Variants in AP3S1 observed in about 807,000 individuals in gnomAD.
The protein encoded by AP3S1 is AP-3 complex subunit sigma-1.
AP3S1 carries 12 observed loss-of-function variants against 21.3 expected under a neutral mutation model. The observed-to-expected ratio is 0.56, with a 90% CI of 0.36 to 0.91. The LOEUF is 0.91. Among genes scored for constraint, AP3S1 ranks in the 40% least tolerant of loss-of-function variants. The probability of loss-of-function intolerance (pLI) is 0.01; values close to 1 mark genes in which losing one functional copy is unlikely to be tolerated. For missense variants in AP3S1, 116 were observed against 225.0 expected (o/e 0.52, Z 3.10); for synonymous variants, 48 against 78.4 (o/e 0.61, Z 2.05).
At chr5:115,890,109 A>T (rs535251813) in intron 3 of AP3S1, among the ~76,000 whole-genome samples, 12 of 151,628 alleles carry the variant, frequency 7.9e-5, no homozygotes, top group Admixed American at 1.3e-4. Flanking sequence ...CTAAAGCTTA[A>T]CCTACACGAC....
At chr5:115,861,564 AT>A (rs1561482909) in intron 1 of AP3S1, among the ~76,000 whole-genome samples, 2 of 151,858 alleles carry the variant, frequency 1.3e-5, no homozygotes, top group African/African-American at 2.4e-5. Flanking sequence ...TATTAAAAAA[AT>A]TTTTTTTGAG....
intron 3 of AP3S1, among the ~76,000 whole-genome samples, chr5:115,878,148 G>A (rs1234356780): frequency 6.6e-6 from 1 of 152,182 alleles, no homozygotes; most frequent in African/African-American, 2.4e-5. Flanking sequence ...CATTCTGTAG[G>A]TTGCCTGTTC....
At chr5:115,850,479 C>T (rs1055517423) in intron 1 of AP3S1, among the ~76,000 whole-genome samples, 2 of 152,116 alleles carry the variant, frequency 1.3e-5, no homozygotes, top group South Asian at 4.1e-4. Context: ...CTTAGTCTTT[C>T]CCAACAGAAA....
At chr5:115,890,906 C>T (rs913419342) in intron 3 of AP3S1, among the ~76,000 whole-genome samples, 1 of 152,126 alleles carries the variant, frequency 6.6e-6, no homozygotes, top group African/African-American at 2.4e-5. Context: ...CAGGGCTGCC[C>T]TGGTAACAGT....
At chr5:115,860,318 G>A (rs554366935) in intron 1 of AP3S1, among the ~76,000 whole-genome samples, 1 of 152,296 alleles carries the variant, frequency 6.6e-6, no homozygotes, top group African/African-American at 2.4e-5. Flanking sequence ...AATCACATCT[G>A]CAAAGGCATT....
chr5:115,856,994 G>T (rs932428941), intron 1 of AP3S1, among the ~76,000 whole-genome samples: 14 of 152,054 alleles, frequency 9.2e-5, no homozygotes, highest in Non-Finnish European at 1.9e-4. Flanking sequence ...CCAGCCGCTG[G>T]TAACCACCGC....
intron 5 of AP3S1, among the ~76,000 whole-genome samples, chr5:115,904,428 G>T (rs1398227811): frequency 6.6e-6 from 1 of 152,168 alleles, no homozygotes; most frequent in East Asian, 1.9e-4. Flanking sequence ...AACAGTTGAA[G>T]CTTATAAAAC....
At chr5:115,902,239 C>T (rs181894857) in intron 4 of AP3S1, among the ~76,000 whole-genome samples, 26 of 152,108 alleles carry the variant, frequency 1.7e-4, no homozygotes, top group African/African-American at 6.0e-4. Flanking sequence ...TTTTTTGATC[C>T]AATAATACCT....
chr5:115,879,050 A>G (rs1561500449), intron 3 of AP3S1, among the ~76,000 whole-genome samples: 1 of 152,136 alleles, frequency 6.6e-6, no homozygotes, highest in East Asian at 1.9e-4. Context: ...TTGGTTTTGT[A>G]TCCTGAGACT....
chr5:115,880,850 C>T (rs1024114610), intron 3 of AP3S1, among the ~76,000 whole-genome samples: 2 of 152,254 alleles, frequency 1.3e-5, no homozygotes, highest in Middle Eastern at 3.4e-3. Context: ...TTGTATGTTT[C>T]TAAGAACTTG....
chr5:115,848,440 TA>T (rs1762216425), intron 1 of AP3S1, among the ~76,000 whole-genome samples: 2 of 152,248 alleles, frequency 1.3e-5, no homozygotes, highest in Non-Finnish European at 2.9e-5. Context: ...ACTCTCTTGT[TA>T]AAATTTAAAA....
At chr5:115,911,212 A>G (rs997589436) in intron 5 of AP3S1, among the ~76,000 whole-genome samples, 8 of 152,000 alleles carry the variant, frequency 5.3e-5, no homozygotes, top group African/African-American at 1.9e-4. Flanking sequence ...TTTTTGCTTT[A>G]GTTTAGCTCT....
intron 3 of AP3S1, among the ~76,000 whole-genome samples, chr5:115,893,824 C>G (rs1231273907): frequency 6.6e-6 from 1 of 152,088 alleles, no homozygotes; most frequent in Non-Finnish European, 1.5e-5. Flanking sequence ...ATGTTGCATA[C>G]TATTATATAA....
intron 5 of AP3S1, among the ~76,000 whole-genome samples, chr5:115,910,397 A>T (rs530459514): frequency 3.6e-4 from 55 of 152,268 alleles, no homozygotes; most frequent in Non-Finnish European, 6.5e-4. Flanking sequence ...ATTGCGGGTA[A>T]GGGGGGACTA....
chr5:115,842,167 A>T (rs1761626347), intron 1 of AP3S1, 61 bp downstream of exon 1: 2 of 1,515,300 alleles, frequency 1.3e-6, no homozygotes, highest in East Asian at 5.4e-5. Flanking sequence ...GGCAGCGCCC[A>T]GCGCGGCTTT....
intron 3 of AP3S1, among the ~76,000 whole-genome samples, chr5:115,872,140 C>CA (rs1483345854): frequency 6.6e-6 from 1 of 152,056 alleles, no homozygotes; most frequent in Non-Finnish European, 1.5e-5. Context: ...CCCATCTCTA[C>CA]AAAAATTAGA....
intron 3 of AP3S1, among the ~76,000 whole-genome samples, chr5:115,883,022 A>C (rs956381221): frequency 2.6e-5 from 4 of 152,174 alleles, no homozygotes; most frequent in African/African-American, 9.6e-5. Context: ...CGCCTACTCA[A>C]GTCTCAATAA....
intron 1 of AP3S1, among the ~76,000 whole-genome samples, chr5:115,855,775 T>A (rs1561477286): frequency 6.6e-6 from 1 of 152,256 alleles, no homozygotes; most frequent in Non-Finnish European, 1.5e-5. Flanking sequence ...TCTATTTGTC[T>A]TTGATCTTGG....
chr5:115,848,728 GC>G (rs1252265103), intron 1 of AP3S1, among the ~76,000 whole-genome samples: 2 of 152,112 alleles, frequency 1.3e-5, no homozygotes, highest in Non-Finnish European at 2.9e-5. Context: ...CATCTAGAGG[GC>G]CCAGTCCCCT....
Sources: gnomAD v4.1 joint callset for allele counts (sites outside exome capture counted in the v4.1 genomes callset) on GRCh38, gnomAD v4.1.1 for gene constraint, MANE v1.5 for transcripts, NCBI Gene and HGNC (gene_info 2026-07-23, HGNC 2026-07-21) for gene names.